The following FBXW5 variants were observed in gnomAD, a reference collection of about 807,000 sequenced individuals.
The protein encoded by FBXW5 is F-box and WD repeat domain containing 5.
FBXW5 carries 74 observed loss-of-function variants against 50.9 expected under a neutral mutation model. That is an observed-to-expected ratio of 1.45 (90% CI 1.20 to 1.76). FBXW5 has a LOEUF of 1.76. FBXW5 is among the 40% of genes most tolerant of loss of function. FBXW5 has a pLI of 0.00. For synonymous variants in FBXW5, 523 were observed against 362.2 expected, an observed-to-expected ratio of 1.44 and a Z score of -5.04; for missense variants, 1,073 against 818.8, an observed-to-expected ratio of 1.31 and a Z score of -3.79.
Position 136,944,680 on chromosome 9 carries a change from C to G in FBXW5, c.-110G>C, listed in dbSNP as rs907866692. The G allele has an allele frequency of 1.0e-6, 1 of 985,976 alleles. No individual in the cohort carries two copies. Among genetic ancestry groups the G allele is most frequent in the Admixed American group, 6.2e-5 (1 of 16,254 alleles). 61.1% of individuals were successfully genotyped at this position (985,976 alleles called of 1,614,324 possible). ...CCGCAGCCGCTCGGACCGCCGCCCCCGCCCAACGGGGAGCCCGCCAGGCCC... is the reference window on the plus strand; with the variant it reads ...CCGCAGCCGCTCGGACCGCCGCCCCGGCCCAACGGGGAGCCCGCCAGGCCC... On this transcript the variant is annotated 5_prime_UTR_variant, in exon 1 of 9. Transcript: ENST00000325285.
At chr9:136,943,531 T>C (rs766975145) in intron 2 of FBXW5, 25 bp from the exon 3 acceptor site, 10 of 1,597,756 alleles carry the variant, frequency 6.3e-6, no homozygotes, top group South Asian at 3.3e-5. Flanking sequence ...TTGTCAGTCC[T>C]GGGCCCGGGC....
rs546612481 is a variant in FBXW5 at position 136,943,770 on chromosome 9, T to TGG, written c.193+119_193+120dup. 5.7e-4 allele frequency: 678 copies of TGG among 1,184,474 alleles called. 4 individuals are homozygous for TGG. In the African/African-American group the frequency reaches 8.0e-3, roughly 14 times the overall value. 73.4% of individuals were successfully genotyped at this position (1,184,474 alleles called of 1,614,324 possible). On this transcript the variant is annotated intron_variant, in intron 2 of 8. Coordinates refer to ENST00000325285, the MANE Select transcript of FBXW5 (RefSeq NM_018998.4). ...GTCCTGACAGGCCTCTATCAGGGTG[T>TGG]GGGGGGGTGAGCATGGACACGCGGG...
rs751161781 is a variant in FBXW5, at chr9:136,942,477, G to A, written c.676-11C>T. ...CTCTGACTCCACATCCTGGGGGCGGGGGCACGTGCCAGGTGGGCGCCGGGC... is the reference window on the plus strand; with the variant it reads ...CTCTGACTCCACATCCTGGGGGCGGAGGCACGTGCCAGGTGGGCGCCGGGC... On this transcript the variant is annotated splice_polypyrimidine_tract_variant and intron_variant, in intron 5 of 8. Transcript: ENST00000325285. The A allele has an allele frequency of 6.3e-7, 1 of 1,599,578 alleles. No homozygotes were observed. Among genetic ancestry groups the A allele is most frequent in the South Asian group, 1.1e-5 (1 of 90,602 alleles).
In FBXW5 at chr9:136,941,642, G is replaced by A; in HGVS notation, c.1139C>T (p.Pro380Leu). Reference sequence around the variant, plus strand: ...GGAGCCCCGGCCCTCACCCAGCACGGGCCCTGCCGTGGTCATCTGGTGTGG... The same window carrying A: ...GGAGCCCCGGCCCTCACCCAGCACGAGCCCTGCCGTGGTCATCTGGTGTGG... ...ILPHQMTTAGPVLGEGRGSDA... is the reference protein window; with the variant it reads ...ILPHQMTTAGLVLGEGRGSDA... Residue 380 changes from proline to leucine, a missense_variant, in exon 7 of 9, where the codon CCC (proline) becomes CTC (leucine). Coordinates refer to ENST00000325285, the MANE Select transcript of FBXW5 (RefSeq NM_018998.4). 1 of 1,572,282 alleles carries A rather than the reference G, an allele frequency of 6.4e-7. No homozygotes were observed. Among genetic ancestry groups the A allele is most frequent in the Non-Finnish European group, 8.6e-7 (1 of 1,159,306 alleles).
rs190248219 is a variant in FBXW5, at chr9:136,944,735, C to T, written c.-165G>A. On this transcript the variant is annotated 5_prime_UTR_variant, in exon 1 of 9. Coordinates refer to ENST00000325285, the MANE Select transcript of FBXW5 (RefSeq NM_018998.4). ...CCACGAGCCCCGAGGCATCGATGGC[C>T]GAGGAAGGCAGAGCGCGCGGGTAGC... 4.1e-3 allele frequency: 4,078 copies of T among 985,570 alleles called. 13 individuals carry two copies. The highest frequency in any genetic ancestry group is 0.018 in the East Asian group (160 of 8,820). The allele number at this position is 985,570 out of a possible 1,614,324, so 61.1% of individuals were successfully genotyped here. A position where few individuals can be genotyped will look rare whatever the true frequency, so the allele number is the denominator to read the frequency against.
rs1426392865 is a variant in FBXW5 at position 136,940,628 on chromosome 9, A to G, written c.*300T>C. 2.4e-5 allele frequency: 10 copies of G among 413,984 alleles called. No individual in the cohort carries two copies. The highest frequency in any genetic ancestry group is 4.5e-5 in the Non-Finnish European group (10 of 222,546). 25.6% of individuals were successfully genotyped at this position (413,984 alleles called of 1,614,324 possible). On this transcript the variant is annotated 3_prime_UTR_variant, in exon 9 of 9. Coordinates refer to ENST00000325285, the MANE Select transcript of FBXW5 (RefSeq NM_018998.4). ...GCCGAAGGTGCCCCGGGCCGAGGCC[A>G]GCTGGGTCAGGTGTACCCCTAGCCT...
chr9:136,941,768 C>G (rs1487117849), intron 6 of FBXW5, 84 bp from the exon 7 acceptor site: 3 of 1,429,016 alleles, frequency 2.1e-6, no homozygotes, highest in Non-Finnish European at 2.8e-6. Flanking sequence ...AGTGGTGTCT[C>G]TGGGGCTGTG....
Position 136,942,641 on chromosome 9 carries a change from C to T in FBXW5, c.581G>A (p.Cys194Tyr), listed in dbSNP as rs758012073. Residue 194 changes from cysteine to tyrosine, a missense_variant, in exon 5 of 9, where the codon TGT (cysteine) becomes TAT (tyrosine). Physicochemically the swap from Cys to Tyr is radical, Grantham distance 194. Transcript: ENST00000325285. ...GATGAGGCTGGTCTCGGTGAGCCAA[C>T]AGCCAAACACGTCATAGGGCTTGTT... ...VRNKPYDVFG[C>Y]WLTETSLISG... is the part of the protein sequence containing the mutation. 1 of 1,609,602 alleles carries T rather than the reference C, an allele frequency of 6.2e-7. No homozygotes were observed. The highest frequency in any genetic ancestry group is 1.1e-5 in the South Asian group (1 of 90,582).
rs374458979 is a variant in FBXW5 at position 136,943,970 on chromosome 9, G to C, written c.114C>G (p.Ala38=). ...TCCACAGGAACTCGTCCCGCGACAC[G>C]GCCTGCCATTGGCGGCACACCAGCC... ...AAGLVCRQWQ[A]VSRDEFLWRE... is the part of the protein sequence containing the mutation. The change falls in exon 2 of 9, where the codon GCC becomes GCG. Residue 38 remains alanine, a synonymous_variant. Transcript: ENST00000325285. 1 of 1,572,472 alleles carries C rather than the reference G, an allele frequency of 6.4e-7. No individual in the cohort carries two copies. The highest frequency in any genetic ancestry group is 1.4e-5 in the African/African-American group (1 of 73,918).
In FBXW5 at chr9:136,941,534, C is replaced by A. The variant is rs1202330579; in HGVS notation, c.1244+3G>T. 3.1e-6 allele frequency: 5 copies of A among 1,609,634 alleles called. No homozygotes were observed. The highest frequency in any genetic ancestry group is 3.4e-6 in the Non-Finnish European group (4 of 1,179,430). On this transcript the variant is annotated splice_donor_region_variant and intron_variant, in intron 7 of 8. Transcript: ENST00000325285. ...CCGCCTGGGACACTGGCAAGAGGCC[C>A]ACCTGTTGTCGGGCGACAGGCCCAT...
intron 1 of FBXW5, 158 bp downstream of exon 1, chr9:136,944,436 G>T: frequency 1.1e-6 from 1 of 907,036 alleles, no homozygotes; most frequent in Non-Finnish European, 1.3e-6. Context: ...GGGGCGGCCA[G>T]GCAGTGGCCT....
In FBXW5 at chr9:136,941,437, C is replaced by T. The variant is rs370733758; in HGVS notation, c.1271G>A (p.Trp424Ter). 2.5e-6 allele frequency: 4 copies of T among 1,608,574 alleles called. No homozygotes were observed. In the African/African-American group the frequency reaches 5.3e-5, roughly 21 times the overall value. Residue 424 changes from tryptophan to a stop codon, truncating the protein, a stop_gained, in exon 8 of 9, where the codon TGG becomes TAG. Coordinates refer to ENST00000325285, the MANE Select transcript of FBXW5 (RefSeq NM_018998.4). LOFTEE classifies it high-confidence loss of function. ...NRYLYVNSRA[W>*]PNGAVVADPM... ...GTCGGCCACCACCGCACCGTTGGGC[C>T]AGGCGCGGCTGTTCACGTACAGGTA... is the stretch of plus-strand genomic sequence containing the variant.
In FBXW5 at chr9:136,942,601, G is replaced by T; in HGVS notation, c.621C>A (p.His207Gln). ...TETSLISGNL[H>Q]RIGDITSCSV... ...AGCAGGAGGTGATATCTCCGATGCG[G>T]TGCAGGTTCCCCGAGATGAGGCTGG... The change falls in exon 5 of 9, where the codon CAC becomes CAA. Residue 207 changes from histidine (H) to glutamine (Q), a missense_variant. Coordinates refer to ENST00000325285, the MANE Select transcript of FBXW5 (RefSeq NM_018998.4). 6.2e-7 allele frequency: 1 copy of T among 1,611,150 alleles called. No homozygotes were observed. Among genetic ancestry groups the T allele is most frequent in the South Asian group, 1.1e-5 (1 of 90,854 alleles).
Position 136,940,716 on chromosome 9 carries a change from G to T in FBXW5, c.*212C>A. 1.3e-6 allele frequency: 1 copy of T among 744,916 alleles called. No individual in the cohort carries two copies. The highest frequency in any genetic ancestry group is 2.8e-5 in the East Asian group (1 of 35,946). The allele number at this position is 744,916 out of a possible 1,614,324, so 46.1% of individuals were successfully genotyped here. On this transcript the variant is annotated 3_prime_UTR_variant, in exon 9 of 9. Transcript: ENST00000325285. ...TACCCCAAGTTGCCCAGGAGGCCGA[G>T]GGGGCCTTGGGCTCCATCTGCACTG...
Position 136,942,092 on chromosome 9 carries a change from G to A in FBXW5, c.1050C>T (p.Tyr350=). Residue 350 remains tyrosine (Y), a synonymous_variant, in exon 6 of 9, where the codon TAC becomes TAT. Coordinates refer to ENST00000325285, the MANE Select transcript of FBXW5 (RefSeq NM_018998.4). ...ERSATGAKSK[Y]LIFTTGCLTY... The stretch of plus-strand genomic sequence containing the variant: ...TGAGGCAGCCAGTGGTGAAGATGAG[G>A]TACTTGCTCTTGGCGCCTGTGGCAC... The A allele has an allele frequency of 6.2e-7, 1 of 1,612,926 alleles. No individual in the cohort carries two copies. Among genetic ancestry groups the A allele is most frequent in the Non-Finnish European group, 8.5e-7 (1 of 1,179,342 alleles).
At chr9:136,941,494 C>T in intron 7 of FBXW5, 31 bp from the exon 8 acceptor site, 1 of 1,605,158 alleles carries the variant, frequency 6.2e-7, no homozygotes, top group Non-Finnish European at 8.5e-7. Flanking sequence ...TAGGTGTGGG[C>T]CGCCTGCGGG....
At chr9:136,943,080 G>A (rs1850861039) in intron 3 of FBXW5, 137 bp from the exon 4 acceptor site, 3 of 1,370,608 alleles carry the variant, frequency 2.2e-6, no homozygotes, top group East Asian at 2.3e-5. Flanking sequence ...TCCAGCCACT[G>A]TCATCCACTC....
At position 136,944,731 on chromosome 9, in the gene FBXW5, TG is replaced by T; in HGVS notation, c.-162del. ...GACGCCACGAGCCCCGAGGCATCGATGGCCGAGGAAGGCAGAGCGCGCGGGT... is the reference window on the plus strand; with the variant it reads ...GACGCCACGAGCCCCGAGGCATCGATGCCGAGGAAGGCAGAGCGCGCGGGT... On this transcript the variant is annotated 5_prime_UTR_variant, in exon 1 of 9. Coordinates refer to ENST00000325285, the MANE Select transcript of FBXW5 (RefSeq NM_018998.4). 1 of 985,538 alleles carries T rather than the reference TG, an allele frequency of 1.0e-6. No individual in the cohort carries two copies. The highest frequency in any genetic ancestry group is 1.2e-6 in the Non-Finnish European group (1 of 829,850). The allele number at this position is 985,538 out of a possible 1,614,324, so 61.0% of individuals were successfully genotyped here.
chr9:136,944,153 G>A (rs1361123803), intron 1 of FBXW5, 47 bp from the exon 2 acceptor site: 11 of 1,479,226 alleles, frequency 7.4e-6, no homozygotes, highest in Middle Eastern at 4.7e-4. Context: ...GGGAAGGGAG[G>A]CCGAGAGCGG....
Sources: gnomAD v4.1 joint callset for allele counts on GRCh38, gnomAD v4.1.1 for gene constraint, MANE v1.5 for transcripts, NCBI Gene and HGNC (gene_info 2026-07-23, HGNC 2026-07-21) for gene names.